Variants in ALMS1 observed in about 807,000 individuals in gnomAD.
The protein encoded by ALMS1 is centrosome-associated protein ALMS1.
Under a neutral mutation model 352.2 loss-of-function variants are expected in ALMS1, and 271 were observed. The ratio of observed to expected loss-of-function variants is 0.77; its 90% CI spans 0.70 to 0.85. ALMS1 has a LOEUF of 0.85. Ranked by LOEUF, ALMS1 falls within the 40% of genes least tolerant of loss-of-function variation. The pLI is 0.00. For synonymous variants in ALMS1, 1,865 were observed against 1,761.2 expected (o/e 1.06, Z -1.48); for missense variants, 5,445 against 4,870.7 (o/e 1.12, Z -3.51).
At chr2:73,605,044 G>A (rs556175403) in intron 21 of ALMS1, among the ~76,000 whole-genome samples, 54 of 152,306 alleles carry the variant, frequency 3.5e-4, no homozygotes, top group African/African-American at 1.1e-3. Flanking sequence ...GGTTTGTGTC[G>A]TGAGCTGAAC....
At position 73,454,564 on chromosome 2, in the gene ALMS1, G is replaced by GA. The variant is rs537891824; in HGVS notation, c.7540+506dup. Among the ~76,000 whole-genome samples the GA allele has an allele frequency of 1.5e-3, 216 of 146,234 alleles. 3 individuals carry two copies. The South Asian group carries it at 0.03, about 20-fold the overall frequency. On this transcript the variant is annotated intron_variant, in intron 8 of 22. Coordinates refer to ENST00000613296, the MANE Select transcript of ALMS1 (RefSeq NM_001378454.1). ...CTCTTGGTGTTGATCTCAGACATTT[G>GA]AAAAAAAAATCAATGTATTTTATAC... is the stretch of plus-strand genomic sequence containing the variant.
In ALMS1 at chr2:73,448,895, GTT is replaced by G. The variant is rs1271517550; in HGVS notation, c.2370_2371del (p.Ala792CysfsTer6). Reference protein sequence around the residue: ...DSHLPEEGLKVSAVAGPADQK... With the variant: ...DSHLPEEGLKXSAVAGPADQK... ...TCATCTACCTGAAGAGGGTCTGAAAGTTTCAGCTGTTGCTGGACCAGCTGACC... is the reference window on the plus strand; with the variant it reads ...TCATCTACCTGAAGAGGGTCTGAAAGTCAGCTGTTGCTGGACCAGCTGACC... On this transcript the variant is annotated frameshift_variant, in exon 8 of 23. Coordinates refer to ENST00000613296, the MANE Select transcript of ALMS1 (RefSeq NM_001378454.1). LOFTEE classifies it high-confidence loss of function. 1.2e-6 allele frequency: 2 copies of G among 1,614,116 alleles called. No homozygotes were observed. The highest frequency in any genetic ancestry group is 8.5e-7 in the Non-Finnish European group (1 of 1,179,992).
At chr2:73,394,776 G>T (rs186966193) in intron 1 of ALMS1, among the ~76,000 whole-genome samples, 1 of 151,868 alleles carries the variant, frequency 6.6e-6, no homozygotes, top group Non-Finnish European at 1.5e-5. Flanking sequence ...TATAGTGTAC[G>T]TACACAAACC....
At chr2:73,421,324 A>C (rs1379582037) in intron 3 of ALMS1, among the ~76,000 whole-genome samples, 1 of 152,126 alleles carries the variant, frequency 6.6e-6, no homozygotes, top group Non-Finnish European at 1.5e-5. Context: ...TTAAATACTC[A>C]GCCTGCAGTT....
chr2:73,608,579 G>A lies in ALMS1; in HGVS notation c.12462+5G>A, dbSNP rs1553422678. The stretch of plus-strand genomic sequence containing the variant: ...CGAGCCCAGCTATATAAAAAGGTCA[G>A]TGGGTCCTCTGTCTAGAGTGGGATG... On this transcript the variant is annotated splice_donor_5th_base_variant and intron_variant, in intron 22 of 22. Transcript: ENST00000613296. 1 of 1,608,194 alleles carries A rather than the reference G, an allele frequency of 6.2e-7. No homozygotes were observed. The highest frequency in any genetic ancestry group is 2.2e-5 in the East Asian group (1 of 44,854).
chr2:73,452,691 A>G lies in ALMS1; in HGVS notation c.6164A>G (p.Asn2055Ser), dbSNP rs772187394. 1.5e-5 allele frequency: 24 copies of G among 1,613,756 alleles called. No homozygotes were observed. The highest frequency in any genetic ancestry group is 2.7e-5 in the African/African-American group (2 of 74,920). ...TCCTATTCTCAAACAGTAAAGCCCA[A>G]TATTTTATTTCAACAGCAGTTGCCA... ...HSSYSQTVKPNILFQQQLPDR... is the reference protein window; with the variant it reads ...HSSYSQTVKPSILFQQQLPDR... Residue 2055 changes from asparagine (N) to serine (S), a missense_variant, in exon 8 of 23, where the codon AAT (asparagine) becomes AGT (serine). Coordinates refer to ENST00000613296, the MANE Select transcript of ALMS1 (RefSeq NM_001378454.1).
chr2:73,411,470 A>G (rs1013045873), intron 2 of ALMS1, among the ~76,000 whole-genome samples: 2 of 152,262 alleles, frequency 1.3e-5, no homozygotes, highest in Non-Finnish European at 1.5e-5. Flanking sequence ...ATACCGGGTC[A>G]TATTTCTAAA....
chr2:73,561,870 T>A (rs1674670849), intron 15 of ALMS1, among the ~76,000 whole-genome samples: 1 of 152,076 alleles, frequency 6.6e-6, no homozygotes, highest in Non-Finnish European at 1.5e-5. Flanking sequence ...AAGAAAAATT[T>A]TTCTAAATGT....
At chr2:73,464,360 A>G (rs1572947303) in intron 9 of ALMS1, among the ~76,000 whole-genome samples, 1 of 152,232 alleles carries the variant, frequency 6.6e-6, no homozygotes, top group East Asian at 1.9e-4. Flanking sequence ...GATTATCTCA[A>G]TAGATGCAGA....
chr2:73,505,012 T>C (rs1405001302), intron 10 of ALMS1, among the ~76,000 whole-genome samples: 1 of 152,218 alleles, frequency 6.6e-6, no homozygotes, highest in Non-Finnish European at 1.5e-5. Flanking sequence ...CTGAGAATGA[T>C]GGTTTCCAGC....
chr2:73,578,009 A>C (rs184043924), intron 16 of ALMS1, among the ~76,000 whole-genome samples: 1 of 152,126 alleles, frequency 6.6e-6, no homozygotes, highest in Admixed American at 6.5e-5. Flanking sequence ...GGAACTATCT[A>C]TTTCTCCATT....
chr2:73,396,615 T>A (rs1670766878), intron 1 of ALMS1, among the ~76,000 whole-genome samples: 1 of 149,272 alleles, frequency 6.7e-6, no homozygotes, highest in Non-Finnish European at 1.5e-5. Context: ...CACTCTTTTT[T>A]CTTCTTATGG....
At chr2:73,549,213 ATTAAT>A (rs1290261840) in intron 12 of ALMS1, among the ~76,000 whole-genome samples, 14 of 152,208 alleles carry the variant, frequency 9.2e-5, no homozygotes, top group Non-Finnish European at 1.3e-4. Flanking sequence ...TGGATTATAG[ATTAAT>A]TTATTTTATC....
intron 11 of ALMS1, among the ~76,000 whole-genome samples, chr2:73,531,678 C>A (rs1030471189): frequency 6.6e-6 from 1 of 152,228 alleles, no homozygotes; most frequent in Non-Finnish European, 1.5e-5. Flanking sequence ...CATTTTCACA[C>A]TGCTTTAAAG....
At chr2:73,546,184 C>G (rs1674315917) in intron 12 of ALMS1, among the ~76,000 whole-genome samples, 1 of 152,098 alleles carries the variant, frequency 6.6e-6, no homozygotes, top group African/African-American at 2.4e-5. Flanking sequence ...ACCCTGAATT[C>G]CATTTAAAAT....
At chr2:73,476,039 C>T (rs2103853734) in intron 9 of ALMS1, among the ~76,000 whole-genome samples, 1 of 152,026 alleles carries the variant, frequency 6.6e-6, no homozygotes, top group Middle Eastern at 3.4e-3. Flanking sequence ...CATTAAACAA[C>T]AACTCCCCAT....
chr2:73,410,839 G>T (rs563232614), intron 2 of ALMS1, among the ~76,000 whole-genome samples: 4 of 152,242 alleles, frequency 2.6e-5, no homozygotes, highest in African/African-American at 9.6e-5. Flanking sequence ...AATATTTAAG[G>T]TTGATTAATA....
chr2:73,467,077 T>C (rs1054126640), intron 9 of ALMS1, among the ~76,000 whole-genome samples: 1 of 149,444 alleles, frequency 6.7e-6, no homozygotes, highest in Admixed American at 6.8e-5. Flanking sequence ...TTCATGATGT[T>C]GGGTTAGGCA....
At position 73,452,086 on chromosome 2, in the gene ALMS1, G is replaced by T; in HGVS notation, c.5559G>T (p.Gln1853His). The T allele has an allele frequency of 6.2e-7, 1 of 1,614,028 alleles. No individual in the cohort carries two copies. The highest frequency in any genetic ancestry group is 8.5e-7 in the Non-Finnish European group (1 of 1,179,992). The change falls in exon 8 of 23, where the codon CAG (glutamine) becomes CAT (histidine). Residue 1853 changes from glutamine to histidine, a missense_variant. Physicochemically the swap from Gln to His is conservative, Grantham distance 24. Transcript: ENST00000613296. ...INILPSNSYP[Q>H]REHSVISYEQ... ...TCCTGCCCTCTAATTCCTACCCACA[G>T]AGAGAGCACTCTGTCATTTCTTATG...
Sources: allele counts gnomAD v4.1 joint callset (sites outside exome capture counted in the v4.1 genomes callset), GRCh38; gene constraint gnomAD v4.1.1; transcripts MANE v1.5; gene names NCBI Gene and HGNC (gene_info 2026-07-23, HGNC 2026-07-21).